Variants in RBM20 observed in about 807,000 individuals in gnomAD.
The protein encoded by RBM20 is RNA-binding protein 20.
A neutral mutation model predicts 110.1 loss-of-function variants in RBM20; 51 were observed. The observed-to-expected ratio is 0.46, with a 90% CI of 0.37 to 0.59. RBM20 has a LOEUF of 0.59. RBM20 is among the 20% of genes least tolerant of loss of function. RBM20 has a pLI of 0.00. For missense variants in RBM20, 1,512 were observed against 1,574.9 expected, an observed-to-expected ratio of 0.96 and a Z score of 0.68; for synonymous variants, 589 against 618.2, an observed-to-expected ratio of 0.95 and a Z score of 0.70.
At chr10:110,678,434 T>G (rs1447503905) in intron 1 of RBM20, among the ~76,000 whole-genome samples, 2 of 152,238 alleles carry the variant, frequency 1.3e-5, no homozygotes, top group African/African-American at 4.8e-5. Flanking sequence ...AGCAGCATCA[T>G]GCCCACTGCA....
chr10:110,651,487 C>T (rs1861948502), intron 1 of RBM20, among the ~76,000 whole-genome samples: 1 of 152,116 alleles, frequency 6.6e-6, no homozygotes, highest in Non-Finnish European at 1.5e-5. Flanking sequence ...AGTACTTTAA[C>T]ATTTACTTTA....
chr10:110,833,604 A>G (rs947562179), intron 13 of RBM20, among the ~76,000 whole-genome samples: 1 of 152,142 alleles, frequency 6.6e-6, no homozygotes, highest in Non-Finnish European at 1.5e-5. Context: ...CTCGGAAGTT[A>G]GGAAGAGTTC....
rs566958507 is a variant in RBM20 at position 110,677,456 on chromosome 10, C to T, written c.191+32811C>T. Among the ~76,000 whole-genome samples, 24 of 152,186 alleles carry T rather than the reference C, an allele frequency of 1.6e-4. No individual in the cohort carries two copies. In the East Asian group the frequency reaches 4.2e-3, roughly 27 times the overall value. Reference sequence around the variant, plus strand: ...GCCGCAGCCTCCCGAGTAGCTGGGACTACGGGTGCCCACCACCACGCCCAG... The same window carrying T: ...GCCGCAGCCTCCCGAGTAGCTGGGATTACGGGTGCCCACCACCACGCCCAG... On this transcript the variant is annotated intron_variant, in intron 1 of 13. Coordinates refer to ENST00000369519, the MANE Select transcript of RBM20 (RefSeq NM_001134363.3).
intron 12 of RBM20, 133 bp downstream of exon 12, chr10:110,823,747 T>C (rs2135126254): frequency 1.1e-6 from 1 of 937,616 alleles, no homozygotes; most frequent in Non-Finnish European, 1.6e-6. Context: ...AGACAAGGTC[T>C]CACTCTGTCA....
intron 1 of RBM20, among the ~76,000 whole-genome samples, chr10:110,676,210 C>A (rs552807873): frequency 6.6e-6 from 1 of 152,300 alleles, no homozygotes; most frequent in South Asian, 2.1e-4. Context: ...GGCATAAAAT[C>A]TGGTGCCAAT....
At chr10:110,709,966 G>A (rs1408958485) in intron 1 of RBM20, among the ~76,000 whole-genome samples, 1 of 151,980 alleles carries the variant, frequency 6.6e-6, no homozygotes, top group African/African-American at 2.4e-5. Context: ...TTGTCCCTTG[G>A]AGCCCCAGGG....
intron 5 of RBM20, among the ~76,000 whole-genome samples, chr10:110,785,333 A>C (rs887184500): frequency 1.3e-5 from 2 of 152,164 alleles, no homozygotes; most frequent in Non-Finnish European, 1.5e-5. Flanking sequence ...TCTAGTTTCC[A>C]AGATGACATG....
intron 1 of RBM20, among the ~76,000 whole-genome samples, chr10:110,683,566 A>C (rs1004006462): frequency 1.2e-4 from 18 of 152,224 alleles, no homozygotes; most frequent in African/African-American, 4.1e-4. Context: ...GTTATTTAAG[A>C]GTTTAAAACC....
intron 1 of RBM20, among the ~76,000 whole-genome samples, chr10:110,746,410 A>C (rs1244718550): frequency 6.6e-6 from 1 of 152,216 alleles, no homozygotes; most frequent in Admixed American, 6.5e-5. Context: ...ATTACGAAAC[A>C]TTCTTTATTA....
chr10:110,747,086 T>C (rs1479542474), intron 1 of RBM20, among the ~76,000 whole-genome samples: 1 of 152,206 alleles, frequency 6.6e-6, no homozygotes, highest in Non-Finnish European at 1.5e-5. Flanking sequence ...AATATAGTGA[T>C]ATAAGATGTT....
chr10:110,702,114 C>T (rs976978290), intron 1 of RBM20, among the ~76,000 whole-genome samples: 1 of 146,640 alleles, frequency 6.8e-6, no homozygotes, highest in South Asian at 2.2e-4. Flanking sequence ...AATGTGCCCA[C>T]CTCTTCTTTC....
At chr10:110,821,230 A>G in intron 10 of RBM20, 45 bp from the exon 11 acceptor site, 1 of 1,505,536 alleles carries the variant, frequency 6.6e-7, no homozygotes, top group Non-Finnish European at 9.0e-7. Context: ...TTCCAGTTGA[A>G]TGCTCTCAAC....
chr10:110,807,926 G>A lies in RBM20; in HGVS notation c.1801-2457G>A, dbSNP rs376879478. ...CAAGCCACAGATTTGGGAGGGACCC[G>A]GGGTGTGGCTTCCCGGCGATGGCAG... On this transcript the variant is annotated intron_variant, in intron 7 of 13. Coordinates refer to ENST00000369519, the MANE Select transcript of RBM20 (RefSeq NM_001134363.3). Among the ~76,000 whole-genome samples the A allele has an allele frequency of 1.1e-4, 17 of 152,336 alleles. No individual in the cohort carries two copies. The East Asian group carries it at 1.5e-3, about 14-fold the overall frequency.
At chr10:110,776,118 G>C (rs535278593) in intron 1 of RBM20, among the ~76,000 whole-genome samples, 17 of 152,210 alleles carry the variant, frequency 1.1e-4, no homozygotes, top group Non-Finnish European at 2.4e-4. Flanking sequence ...GGCCAGGTCT[G>C]AGACACGTTG....
chr10:110,746,873 G>A (rs772843321), intron 1 of RBM20, among the ~76,000 whole-genome samples: 1 of 152,220 alleles, frequency 6.6e-6, no homozygotes, highest in African/African-American at 2.4e-5. Flanking sequence ...GCATACTCAT[G>A]AATTGTCTAT....
chr10:110,659,770 TTCCTCTTCC>T (rs1001709251), intron 1 of RBM20, among the ~76,000 whole-genome samples: 3 of 151,494 alleles, frequency 2.0e-5, no homozygotes, highest in Non-Finnish European at 4.4e-5. Flanking sequence ...CTTCCTCTTC[TTCCTCTTCC>T]TCCTCCTCTT....
intron 1 of RBM20, among the ~76,000 whole-genome samples, chr10:110,722,462 G>C (rs1843519976): frequency 6.6e-6 from 1 of 152,066 alleles, no homozygotes; most frequent in Non-Finnish European, 1.5e-5. Context: ...GAGCATCCTT[G>C]GTGTTGTGTA....
chr10:110,674,835 T>C (rs1486114168), intron 1 of RBM20, among the ~76,000 whole-genome samples: 1 of 152,244 alleles, frequency 6.6e-6, no homozygotes, highest in African/African-American at 2.4e-5. Context: ...CACCGGAGGA[T>C]ATGCCTATTT....
chr10:110,793,452 G>C (rs2135065805), intron 5 of RBM20, among the ~76,000 whole-genome samples: 1 of 152,324 alleles, frequency 6.6e-6, no homozygotes, highest in South Asian at 2.1e-4. Context: ...GAGCTAACCA[G>C]TGTTAAAAGA....
Sources: allele counts gnomAD v4.1 joint callset (sites outside exome capture counted in the v4.1 genomes callset), GRCh38; gene constraint gnomAD v4.1.1; transcripts MANE v1.5; gene names NCBI Gene and HGNC (gene_info 2026-07-23, HGNC 2026-07-21).